TMEM45A: variants seen among roughly 807,000 people sequenced by gnomAD.
The protein encoded by TMEM45A is DNA polymerase-transactivated protein 4.
In TMEM45A, 25 loss-of-function variants were observed where a neutral mutation model predicts 32.0. The observed-to-expected ratio is 0.78, with a 90% confidence interval of 0.57 to 1.09. The LOEUF is 1.09. Among genes scored for constraint, TMEM45A ranks in the 50% least tolerant of loss-of-function variants. The pLI is 0.00. For synonymous variants in TMEM45A, 122 were observed against 114.8 expected (o/e 1.06, Z -0.40); for missense variants, 302 against 325.0 (o/e 0.93, Z 0.54).
At chr3:100,513,060 G>C (rs1288883643) in intron 1 of TMEM45A, among the ~76,000 whole-genome samples, 62 of 148,996 alleles carry the variant, frequency 4.2e-4, no homozygotes, top group African/African-American at 1.5e-3. Context: ...GGAGGAACTG[G>C]TACCATTCCT....
At chr3:100,563,403 A>G (rs1706371446) in intron 4 of TMEM45A, among the ~76,000 whole-genome samples, 1 of 152,180 alleles carries the variant, frequency 6.6e-6, no homozygotes, top group African/African-American at 2.4e-5. Flanking sequence ...ATATTGGCAG[A>G]CACAATTTAA....
chr3:100,573,833 C>T (rs923710592), intron 5 of TMEM45A: 1 of 152,096 alleles, frequency 6.6e-6, no homozygotes, highest in Non-Finnish European at 1.5e-5. Context: ...TTGTCAAAGG[C>T]CTTTTCTGCA....
At chr3:100,510,635 C>T (rs1280872600) in intron 1 of TMEM45A, among the ~76,000 whole-genome samples, 36 of 152,358 alleles carry the variant, frequency 2.4e-4, no homozygotes, top group African/African-American at 1.9e-4. Context: ...ATGACTTTGA[C>T]GAGCTGAGAG....
intron 2 of TMEM45A, 124 bp from the exon 3 acceptor site, chr3:100,556,636 C>T (rs1706225460): frequency 1.1e-6 from 1 of 948,348 alleles, no homozygotes; most frequent in Non-Finnish European, 1.6e-6. Flanking sequence ...GGGAACAGCT[C>T]AGAGAGAAGA....
chr3:100,519,968 T>C (rs769585606), intron 1 of TMEM45A, among the ~76,000 whole-genome samples: 2 of 152,152 alleles, frequency 1.3e-5, no homozygotes, highest in African/African-American at 2.4e-5. Flanking sequence ...TTTTTATCCA[T>C]CCTTCCCATC....
At chr3:100,568,800 T>C (rs1393328322) in intron 4 of TMEM45A, 22 bp from the exon 5 acceptor site, 1 of 1,580,054 alleles carries the variant, frequency 6.3e-7, no homozygotes, top group Non-Finnish European at 8.6e-7. Flanking sequence ...TTTTAATATA[T>C]GCTTTTTGTT....
intron 1 of TMEM45A, among the ~76,000 whole-genome samples, chr3:100,536,046 T>C (rs1705734243): frequency 6.6e-6 from 1 of 152,192 alleles, no homozygotes; most frequent in African/African-American, 2.4e-5. Flanking sequence ...GTGACATTTA[T>C]CAATATCCAT....
intron 5 of TMEM45A, among the ~76,000 whole-genome samples, chr3:100,569,356 T>C (rs1010281802): frequency 2.0e-5 from 3 of 152,186 alleles, no homozygotes; most frequent in African/African-American, 7.2e-5. Flanking sequence ...AAGCTTCGAG[T>C]CCTTTTTTGA....
intron 1 of TMEM45A, among the ~76,000 whole-genome samples, chr3:100,547,723 A>G (rs1024734724): frequency 2.6e-5 from 4 of 152,120 alleles, no homozygotes; most frequent in African/African-American, 9.7e-5. Flanking sequence ...AGTTGTTTTA[A>G]TGATAAACAG....
intron 1 of TMEM45A, among the ~76,000 whole-genome samples, chr3:100,533,407 A>G (rs1372566860): frequency 1.3e-5 from 2 of 152,100 alleles, no homozygotes; most frequent in Non-Finnish European, 2.9e-5. Flanking sequence ...CTTGATCACT[A>G]TCAGATGGCT....
chr3:100,577,111 G>C lies in TMEM45A; in HGVS notation c.*93G>C. On this transcript the variant is annotated 3_prime_UTR_variant, in exon 6 of 6. Transcript: ENST00000323523. ...CGATCTTTTGTTTGGAGAACAGCTG[G>C]CTAAGGATGACTCTAAGTGTACTGT... The C allele has an allele frequency of 9.9e-7, 1 of 1,013,704 alleles. No individual in the cohort carries two copies. Among genetic ancestry groups the C allele is most frequent in the Non-Finnish European group, 1.5e-6 (1 of 675,996 alleles). 62.8% of individuals were successfully genotyped at this position (1,013,704 alleles called of 1,614,324 possible).
At chr3:100,549,815 G>A (rs531288812) in intron 1 of TMEM45A, among the ~76,000 whole-genome samples, 1 of 151,778 alleles carries the variant, frequency 6.6e-6, no homozygotes, top group South Asian at 2.1e-4. Flanking sequence ...GAGAATATGC[G>A]GTGTTTGGTT....
At chr3:100,551,794 A>G (rs1326981997) in intron 1 of TMEM45A, among the ~76,000 whole-genome samples, 2 of 152,248 alleles carry the variant, frequency 1.3e-5, no homozygotes, top group Non-Finnish European at 2.9e-5. Context: ...GATTGGAACC[A>G]TCAGATTGTT....
Position 100,537,409 on chromosome 3 carries a change from T to C in TMEM45A, c.-3-17800T>C, listed in dbSNP as rs372453941. On this transcript the variant is annotated intron_variant, in intron 1 of 5. Coordinates refer to ENST00000323523, the MANE Select transcript of TMEM45A (RefSeq NM_018004.3). ...AGCCTCAGTTGGCAAATCATTTCCT[T>C]GTTTTTGCTCTCTGGGCCTCCATTG... Among the ~76,000 whole-genome samples, 138 of 152,308 alleles carry C rather than the reference T, an allele frequency of 9.1e-4. 1 individual carries two copies. The highest frequency in any genetic ancestry group is 6.8e-3 in the South Asian group (33 of 4,824).
chr3:100,553,320 A>G (rs1706145480), intron 1 of TMEM45A, among the ~76,000 whole-genome samples: 1 of 152,276 alleles, frequency 6.6e-6, no homozygotes, highest in South Asian at 2.1e-4. Flanking sequence ...TTAACTAAAT[A>G]TGTTCCCTAT....
chr3:100,511,016 C>T (rs1412898353), intron 1 of TMEM45A, among the ~76,000 whole-genome samples: 6 of 152,136 alleles, frequency 3.9e-5, no homozygotes, highest in African/African-American at 1.2e-4. Context: ...CTGAAAGTGA[C>T]AGGGAGAATG....
At chr3:100,521,578 C>T (rs983702698) in intron 1 of TMEM45A, among the ~76,000 whole-genome samples, 9 of 152,170 alleles carry the variant, frequency 5.9e-5, no homozygotes, top group African/African-American at 1.9e-4. Context: ...ATATGGATCT[C>T]AGAGGTGGCT....
chr3:100,507,285 C>T (rs1417317631), intron 1 of TMEM45A, among the ~76,000 whole-genome samples: 2 of 152,156 alleles, frequency 1.3e-5, no homozygotes, highest in African/African-American at 2.4e-5. Flanking sequence ...GCATTCTTTC[C>T]CACTCTGCCT....
At chr3:100,495,440 T>A (rs748306923) in intron 1 of TMEM45A, among the ~76,000 whole-genome samples, 4 of 152,110 alleles carry the variant, frequency 2.6e-5, no homozygotes, top group African/African-American at 7.2e-5. Flanking sequence ...CCTGTGGATG[T>A]TGGGACATTG....
Sources: gnomAD v4.1 joint callset for allele counts (sites outside exome capture counted in the v4.1 genomes callset) on GRCh38, gnomAD v4.1.1 for gene constraint, MANE v1.5 for transcripts, NCBI Gene and HGNC (gene_info 2026-07-23, HGNC 2026-07-21) for gene names.